ME1: variants seen among roughly 807,000 people sequenced by gnomAD.
The protein encoded by ME1 is NADP-dependent malic enzyme.
Under a neutral mutation model 66.4 loss-of-function variants are expected in ME1, and 74 were observed. The ratio of observed to expected loss-of-function variants is 1.11; its 90% CI spans 0.92 to 1.35. The LOEUF is 1.35. ME1 is among the 40% of genes most tolerant of loss of function. The probability of loss-of-function intolerance (pLI) is 0.00; values close to 1 mark genes in which losing one functional copy is unlikely to be tolerated. For synonymous variants in ME1, 251 were observed against 235.6 expected, an observed-to-expected ratio of 1.07 and a Z score of -0.60; for missense variants, 750 against 694.1, an observed-to-expected ratio of 1.08 and a Z score of -0.90.
chr6:83,394,001 G>C (rs1769682695), intron 3 of ME1, among the ~76,000 whole-genome samples: 1 of 151,542 alleles, frequency 6.6e-6, no homozygotes, highest in Admixed American at 6.6e-5. Flanking sequence ...GGCGTTTTTT[G>C]GTACGATGAC....
intron 11 of ME1, among the ~76,000 whole-genome samples, chr6:83,226,800 C>A (rs762923222): frequency 9.9e-5 from 15 of 152,064 alleles, no homozygotes; most frequent in Admixed American, 1.3e-4. Flanking sequence ...TTCAGCATAT[C>A]AGCCAAATAC....
At chr6:83,351,850 T>C (rs895699572) in intron 4 of ME1, among the ~76,000 whole-genome samples, 1 of 152,052 alleles carries the variant, frequency 6.6e-6, no homozygotes, top group Non-Finnish European at 1.5e-5. Context: ...ACTAAGAAAT[T>C]AGATAGAAAT....
In ME1 at chr6:83,331,079, C is replaced by T. The variant is rs118026639; in HGVS notation, c.600+15094G>A. 7.4e-3 allele frequency among the ~76,000 whole-genome samples: 1,128 copies of T among 152,226 alleles called. 10 individuals carry two copies. The highest frequency in any genetic ancestry group is 0.011 in the Non-Finnish European group (755 of 68,012). On this transcript the variant is annotated intron_variant, in intron 5 of 13. Coordinates refer to ENST00000369705, the MANE Select transcript of ME1 (RefSeq NM_002395.6). ...GCAATGGTTTAATAAGCAAAGAATA[C>T]GCAGAAATCACATTCTCCTACTCAT...
chr6:83,381,448 T>C (rs1335850575), intron 3 of ME1, among the ~76,000 whole-genome samples: 1 of 150,950 alleles, frequency 6.6e-6, no homozygotes, highest in African/African-American at 2.4e-5. Flanking sequence ...CAGGCTGGAG[T>C]GCAGTGGTGC....
chr6:83,224,078 C>A (rs1194968154), intron 11 of ME1, 145 bp from the exon 12 acceptor site: 1 of 730,600 alleles, frequency 1.4e-6, no homozygotes, highest in Non-Finnish European at 2.2e-6. Context: ...TAAGTCTGGA[C>A]AAGCTTTTGT....
At chr6:83,416,018 C>T (rs566479526) in intron 1 of ME1, among the ~76,000 whole-genome samples, 2 of 152,194 alleles carry the variant, frequency 1.3e-5, no homozygotes, top group Non-Finnish European at 2.9e-5. Flanking sequence ...TGAATAGCAA[C>T]ATAAGACTAA....
In ME1 at chr6:83,341,542, A is replaced by AT. The variant is rs202135544; in HGVS notation, c.600+4630dup. 6.5e-3 allele frequency among the ~76,000 whole-genome samples: 993 copies of AT among 152,288 alleles called. 10 individuals carry two copies. Among genetic ancestry groups the AT allele is most frequent in the African/African-American group, 0.023 (941 of 41,546 alleles). On this transcript the variant is annotated intron_variant, in intron 5 of 13. Coordinates refer to ENST00000369705, the MANE Select transcript of ME1 (RefSeq NM_002395.6). ...CTACCTTTTATAAAGGGAACAAATA[A>AT]TTTACTCTCCTTTTAGAACAAGAAC...
At chr6:83,256,812 C>T (rs1299112737) in intron 6 of ME1, among the ~76,000 whole-genome samples, 1 of 152,030 alleles carries the variant, frequency 6.6e-6, no homozygotes, top group African/African-American at 2.4e-5. Flanking sequence ...CAGTGATAGA[C>T]TGGATAAAGA....
chr6:83,219,183 T>TA (rs1162886241), intron 12 of ME1, among the ~76,000 whole-genome samples: 6 of 152,214 alleles, frequency 3.9e-5, no homozygotes, highest in Non-Finnish European at 8.8e-5. Context: ...TTGAAACTTT[T>TA]AAAAAACTTT....
intron 3 of ME1, among the ~76,000 whole-genome samples, chr6:83,379,407 C>T (rs1284249983): frequency 6.6e-6 from 1 of 152,086 alleles, no homozygotes; most frequent in Non-Finnish European, 1.5e-5. Flanking sequence ...TTAGATTTAA[C>T]ACTTTCCACC....
chr6:83,217,483 A>G (rs1790015258), intron 12 of ME1, among the ~76,000 whole-genome samples: 1 of 152,228 alleles, frequency 6.6e-6, no homozygotes, highest in South Asian at 2.1e-4. Flanking sequence ...CTGAACAAGC[A>G]TAACACTACG....
At chr6:83,392,947 C>T (rs1769653465) in intron 3 of ME1, 2 of 832,982 alleles carry the variant, frequency 2.4e-6, no homozygotes, top group Non-Finnish European at 4.1e-6. Flanking sequence ...ATGACCATCG[C>T]TGCCACCCAG....
intron 1 of ME1, among the ~76,000 whole-genome samples, chr6:83,410,411 T>C (rs973341537): frequency 6.6e-6 from 1 of 152,176 alleles, no homozygotes; most frequent in Non-Finnish European, 1.5e-5. Flanking sequence ...ACAAGAGATA[T>C]TTGTATGAAA....
rs1361596655 is a variant in ME1 at position 83,247,908 on chromosome 6, G to C, written c.814+5721C>G. Among the ~76,000 whole-genome samples the C allele has an allele frequency of 2.0e-5, 3 of 152,254 alleles. No homozygotes were observed. The East Asian group carries it at 5.8e-4, about 29-fold the overall frequency. ...TTAAAATTCCTATATGGAAATAAAA[G>C]ACTATATATGTGCAGATTATATTTT... On this transcript the variant is annotated intron_variant, in intron 7 of 13. Coordinates refer to ENST00000369705, the MANE Select transcript of ME1 (RefSeq NM_002395.6).
At chr6:83,319,210 G>C (rs1262548686) in intron 5 of ME1, among the ~76,000 whole-genome samples, 1 of 151,116 alleles carries the variant, frequency 6.6e-6, no homozygotes, top group Non-Finnish European at 1.5e-5. Context: ...GCTAGATGAC[G>C]AGTTAGTGGG....
At chr6:83,379,870 A>G (rs553023073) in intron 3 of ME1, among the ~76,000 whole-genome samples, 1 of 152,224 alleles carries the variant, frequency 6.6e-6, no homozygotes, top group African/African-American at 2.4e-5. Flanking sequence ...TTTAAGTTCT[A>G]TATACCTCTT....
intron 4 of ME1, among the ~76,000 whole-genome samples, chr6:83,350,739 C>T (rs895468030): frequency 2.6e-5 from 4 of 152,100 alleles, no homozygotes; most frequent in African/African-American, 9.7e-5. Flanking sequence ...CCACCCACCT[C>T]GGCCTCCCAA....
rs201691097 is a variant in ME1 at position 83,352,187 on chromosome 6, C to T, written c.363-48G>A. ...AGGAGTAGTTTACATTTACTTCAGGCCTGTCAAACTACCATGAATATCTTA... is the reference window on the plus strand; with the variant it reads ...AGGAGTAGTTTACATTTACTTCAGGTCTGTCAAACTACCATGAATATCTTA... On this transcript the variant is annotated intron_variant, in intron 3 of 13. Transcript: ENST00000369705. 6.9e-4 allele frequency: 847 copies of T among 1,225,242 alleles called. 4 individuals carry two copies. The African/African-American group carries it at 0.012, about 17-fold the overall frequency. 75.9% of individuals were successfully genotyped at this position (1,225,242 alleles called of 1,614,324 possible).
intron 4 of ME1, among the ~76,000 whole-genome samples, chr6:83,348,312 T>C (rs944356907): frequency 6.6e-6 from 1 of 152,234 alleles, no homozygotes; most frequent in Non-Finnish European, 1.5e-5. Flanking sequence ...AATGTGTATT[T>C]AACAGACAGT....
Sources: gnomAD v4.1 joint callset for allele counts (sites outside exome capture counted in the v4.1 genomes callset) on GRCh38, gnomAD v4.1.1 for gene constraint, MANE v1.5 for transcripts, NCBI Gene and HGNC (gene_info 2026-07-23, HGNC 2026-07-21) for gene names.